The following UBE2E2 variants were observed in gnomAD, a reference collection of about 807,000 sequenced individuals.
UBE2E2 encodes the protein ubiquitin conjugating enzyme E2 E2.
Under a neutral mutation model 24.7 loss-of-function variants are expected in UBE2E2, and 6 were observed. The ratio of observed to expected loss-of-function variants is 0.24; its 90% CI spans 0.13 to 0.48. The LOEUF (loss-of-function observed/expected upper bound fraction) is 0.48, where lower values mean the gene tolerates loss of function less well. UBE2E2 is among the 20% of genes least tolerant of loss of function. UBE2E2 has a pLI of 0.99. For missense variants in UBE2E2, 169 were observed against 245.0 expected, an observed-to-expected ratio of 0.69 and a Z score of 2.07; for synonymous variants, 104 against 83.6, an observed-to-expected ratio of 1.24 and a Z score of -1.33.
chr3:23,266,923 TG>T (rs1461605820), intron 3 of UBE2E2, among the ~76,000 whole-genome samples: 1 of 152,082 alleles, frequency 6.6e-6, no homozygotes, highest in Non-Finnish European at 1.5e-5. Flanking sequence ...TGCAACTACA[TG>T]GAAACTGAAC....
chr3:23,470,075 T>C (rs982824688), intron 3 of UBE2E2, among the ~76,000 whole-genome samples: 1 of 152,202 alleles, frequency 6.6e-6, no homozygotes, highest in African/African-American at 2.4e-5. Context: ...ATTGCAGTAA[T>C]GAACTATTTC....
In UBE2E2 at chr3:23,517,602, T is replaced by C. The variant is rs552876731; in HGVS notation, c.361-14952T>C. Among the ~76,000 whole-genome samples, 7 of 152,294 alleles carry C rather than the reference T, an allele frequency of 4.6e-5. No individual in the cohort carries two copies. In the South Asian group the frequency reaches 8.3e-4, roughly 18 times the overall value. On this transcript the variant is annotated intron_variant, in intron 4 of 5. Coordinates refer to ENST00000396703, the MANE Select transcript of UBE2E2 (RefSeq NM_152653.4). ...TCCTCTTTCCTAGAGGGGATAAAAA[T>C]CAGTATCAGAGATAATCCCTGTCCT...
At chr3:23,254,201 G>A (rs949086107) in intron 3 of UBE2E2, among the ~76,000 whole-genome samples, 1 of 152,214 alleles carries the variant, frequency 6.6e-6, no homozygotes, top group Admixed American at 6.5e-5. Context: ...TGCTCCAAGA[G>A]ACCTCTGCTT....
At chr3:23,332,470 TTAAAA>T (rs1559350578) in intron 3 of UBE2E2, among the ~76,000 whole-genome samples, 1 of 152,156 alleles carries the variant, frequency 6.6e-6, no homozygotes, top group Non-Finnish European at 1.5e-5. Context: ...ATGGCAATTA[TTAAAA>T]TAAAGATAAA....
intron 3 of UBE2E2, among the ~76,000 whole-genome samples, chr3:23,264,788 T>C (rs541385283): frequency 6.6e-6 from 1 of 152,338 alleles, no homozygotes; most frequent in East Asian, 1.9e-4. Context: ...GCTTTGAAAT[T>C]GAAAACAAGA....
rs372701098 is a variant in UBE2E2, at chr3:23,556,919, T to A, written c.508+24218T>A. 4.6e-5 allele frequency among the ~76,000 whole-genome samples: 7 copies of A among 152,322 alleles called. No individual in the cohort carries two copies. The East Asian group carries it at 5.8e-4, about 13-fold the overall frequency. On this transcript the variant is annotated intron_variant, in intron 5 of 5. Transcript: ENST00000396703. ...ATGTACAGTAAGTCCTCATTTAACA[T>A]TGTCAGTAGGTTCTTATAATGAGAC...
chr3:23,408,517 G>A (rs1443216715), intron 3 of UBE2E2, among the ~76,000 whole-genome samples: 1 of 152,102 alleles, frequency 6.6e-6, no homozygotes, highest in African/African-American at 2.4e-5. Context: ...CCAACCCTAG[G>A]TTAAAGCTTT....
chr3:23,426,832 A>T (rs1299563691), intron 3 of UBE2E2, among the ~76,000 whole-genome samples: 1 of 152,158 alleles, frequency 6.6e-6, no homozygotes, highest in Non-Finnish European at 1.5e-5. Flanking sequence ...AGTACAGGTA[A>T]AATTTTAAAT....
At chr3:23,568,996 A>G (rs1041214716) in intron 5 of UBE2E2, among the ~76,000 whole-genome samples, 1 of 152,094 alleles carries the variant, frequency 6.6e-6, no homozygotes, top group African/African-American at 2.4e-5. Context: ...CCCAAGAGAA[A>G]TAAAAACATA....
intron 4 of UBE2E2, among the ~76,000 whole-genome samples, chr3:23,511,446 C>CT (rs1694592077): frequency 6.6e-6 from 1 of 152,156 alleles, no homozygotes; most frequent in African/African-American, 2.4e-5. Flanking sequence ...TATGGGACAC[C>CT]TGAGTGGGAA....
At chr3:23,368,449 T>TATA (rs1193597428) in intron 3 of UBE2E2, among the ~76,000 whole-genome samples, 3 of 152,212 alleles carry the variant, frequency 2.0e-5, no homozygotes, top group African/African-American at 7.2e-5. Context: ...AACAAGCCAT[T>TATA]ATAATGATCA....
rs568301938 is a variant in UBE2E2, at chr3:23,204,622, T to TGTG, written c.-9+1160_-9+1162dup. 1.8e-5 allele frequency: 17 copies of TGTG among 928,268 alleles called. No homozygotes were observed. In the Admixed American group the frequency reaches 9.3e-4, roughly 51 times the overall value. 57.5% of individuals were successfully genotyped at this position (928,268 alleles called of 1,614,324 possible). A position where few individuals can be genotyped will look rare whatever the true frequency, so the allele number is the denominator to read the frequency against. On this transcript the variant is annotated intron_variant, in intron 1 of 5. Transcript: ENST00000396703. ...CTCCTTGGCTCTTTGGAATTCTGTATGTGGGCTGACGCTGAAATAGAGTGT... is the reference window on the plus strand; with the variant it reads ...CTCCTTGGCTCTTTGGAATTCTGTATGTGGTGGGCTGACGCTGAAATAGAGTGT...
In UBE2E2 at chr3:23,205,379, A is replaced by G. The variant is rs563938378; in HGVS notation, c.-9+1915A>G. Among the ~76,000 whole-genome samples the G allele has an allele frequency of 3.9e-5, 6 of 152,308 alleles. No individual in the cohort carries two copies. In the South Asian group the frequency reaches 1.2e-3, roughly 32 times the overall value. ...TAATTTAGAAGATAATGTTTAAAGG[A>G]TTTTAATTCAGGAATTTTTATTCAT... On this transcript the variant is annotated intron_variant, in intron 1 of 5. Coordinates refer to ENST00000396703, the MANE Select transcript of UBE2E2 (RefSeq NM_152653.4).
chr3:23,500,324 A>G (rs918106579), intron 4 of UBE2E2, among the ~76,000 whole-genome samples: 1 of 152,240 alleles, frequency 6.6e-6, no homozygotes. Context: ...GAAACTAATC[A>G]ATGAAAAGTC....
chr3:23,356,997 G>A (rs184086926), intron 3 of UBE2E2, among the ~76,000 whole-genome samples: 12 of 152,226 alleles, frequency 7.9e-5, no homozygotes, highest in Non-Finnish European at 1.6e-4. Flanking sequence ...TAGCAATCCA[G>A]ACTGCTTTGA....
intron 3 of UBE2E2, among the ~76,000 whole-genome samples, chr3:23,392,577 T>A (rs1696964846): frequency 6.6e-6 from 1 of 152,124 alleles, no homozygotes; most frequent in Admixed American, 6.6e-5. Context: ...TTTATGATGT[T>A]AATAAACAAA....
intron 3 of UBE2E2, among the ~76,000 whole-genome samples, chr3:23,362,768 A>G (rs2125332822): frequency 6.6e-6 from 1 of 152,172 alleles, no homozygotes; most frequent in South Asian, 2.1e-4. Flanking sequence ...GAGTGACCTC[A>G]CCCCAACCCT....
intron 3 of UBE2E2, among the ~76,000 whole-genome samples, chr3:23,256,116 T>C (rs1421318725): frequency 2.0e-5 from 3 of 152,230 alleles, no homozygotes; most frequent in Non-Finnish European, 2.9e-5. Context: ...TTTCCTGCTC[T>C]TTAGAATAAA....
intron 3 of UBE2E2, among the ~76,000 whole-genome samples, chr3:23,451,479 T>C (rs975305789): frequency 6.6e-6 from 1 of 151,834 alleles, no homozygotes. Context: ...GTGTGGCAGG[T>C]CTGCAATTGA....
Sources: gnomAD v4.1 joint callset for allele counts (sites outside exome capture counted in the v4.1 genomes callset) on GRCh38, gnomAD v4.1.1 for gene constraint, MANE v1.5 for transcripts, NCBI Gene and HGNC (gene_info 2026-07-23, HGNC 2026-07-21) for gene names.